Variants in CCDC85C observed in about 807,000 individuals in gnomAD.
CCDC85C encodes the protein coiled-coil domain-containing protein 85C.
Under a neutral mutation model 38.3 loss-of-function variants are expected in CCDC85C, and 18 were observed. The ratio of observed to expected loss-of-function variants is 0.47; its 90% CI spans 0.33 to 0.70. CCDC85C has a LOEUF of 0.70. Among genes scored for constraint, CCDC85C ranks in the 30% least tolerant of loss-of-function variants. The pLI is 0.03. For missense variants in CCDC85C, 566 were observed against 621.2 expected (o/e 0.91, Z 0.94); for synonymous variants, 264 against 293.8 (o/e 0.90, Z 1.04).
rs1301081301 is a variant in CCDC85C, at chr14:99,514,176, C to G, written c.*1070G>C. The stretch of plus-strand genomic sequence containing the variant: ...GATGACCTGGAGCCATAAGCATGGC[C>G]GAAAAGGAACCTCAGAGACCTGTTT... On this transcript the variant is annotated 3_prime_UTR_variant, in exon 6 of 6. Transcript: ENST00000380243. 2 of 152,382 alleles carry G rather than the reference C, an allele frequency of 1.3e-5. No homozygotes were observed. The highest frequency in any genetic ancestry group is 2.4e-5 in the African/African-American group (1 of 41,458). 9.4% of individuals were successfully genotyped at this position (152,382 alleles called of 1,614,324 possible). A position where few individuals can be genotyped will look rare whatever the true frequency, so the allele number is the denominator to read the frequency against.
intron 2 of CCDC85C, 132 bp from the exon 3 acceptor site, chr14:99,522,372 C>T: frequency 1.6e-6 from 1 of 617,006 alleles, no homozygotes; most frequent in Non-Finnish European, 2.8e-6. Flanking sequence ...ACCCTCCCCT[C>T]CACACCGCTT....
chr14:99,520,990 G>T lies in CCDC85C; in HGVS notation c.975+1143C>A, dbSNP rs367894309. On this transcript the variant is annotated intron_variant, in intron 3 of 5. Transcript: ENST00000380243. This position sits in a 1 kb window ranked among gnomAD's most constrained non-coding sequence, Gnocchi z 4.1. ...GGTGTGCTCTCCAGAGGCCTGCAGG[G>T]AGACAGCATCTGGCGGGCCTGGTAC... Among the ~76,000 whole-genome samples the T allele has an allele frequency of 5.3e-5, 8 of 152,374 alleles. No homozygotes were observed. The highest frequency in any genetic ancestry group is 1.9e-4 in the African/African-American group (8 of 41,592).
intron 1 of CCDC85C, among the ~76,000 whole-genome samples, chr14:99,599,498 T>A (rs910758155): frequency 6.6e-6 from 1 of 152,134 alleles, no homozygotes; most frequent in Non-Finnish European, 1.5e-5. Flanking sequence ...GAACCTGACT[T>A]TCTGGTGTTG....
At chr14:99,515,362 G>A in intron 5 of CCDC85C, 27 bp from the exon 6 acceptor site, 1 of 1,510,176 alleles carries the variant, frequency 6.6e-7, no homozygotes, top group Non-Finnish European at 9.0e-7. Flanking sequence ...GATGTGAGTG[G>A]TGGGACTCAC....
intron 1 of CCDC85C, among the ~76,000 whole-genome samples, chr14:99,585,557 A>G (rs766838801): frequency 3.3e-5 from 5 of 152,198 alleles, no homozygotes; most frequent in Non-Finnish European, 7.3e-5. Context: ...GTGCTGAGTG[A>G]CTGTTAGCTA....
rs916115458 is a variant in CCDC85C, at chr14:99,503,545, T to C, written c.*11701A>G. On this transcript the variant is annotated 3_prime_UTR_variant, in exon 6 of 6. Transcript: ENST00000380243. Reference sequence around the variant, plus strand: ...GTCGCTGATTCTGGTGGTACCTGGATAATCCATTTTTTTCTCATCATACTC... The same window carrying C: ...GTCGCTGATTCTGGTGGTACCTGGACAATCCATTTTTTTCTCATCATACTC... 2 of 1,384,358 alleles carry C rather than the reference T, an allele frequency of 1.4e-6. No homozygotes were observed. The highest frequency in any genetic ancestry group is 1.0e-6 in the Non-Finnish European group (1 of 1,001,588). 85.8% of individuals were successfully genotyped at this position (1,384,358 alleles called of 1,614,324 possible).
rs368012191 is a variant in CCDC85C, at chr14:99,520,951, C to A, written c.975+1182G>T. 1.3e-5 allele frequency among the ~76,000 whole-genome samples: 2 copies of A among 152,382 alleles called. No homozygotes were observed. Among genetic ancestry groups the A allele is most frequent in the South Asian group, 4.1e-4 (2 of 4,832 alleles). On this transcript the variant is annotated intron_variant, in intron 3 of 5. Transcript: ENST00000380243. The surrounding 1 kb of genome is among the most constrained non-coding windows in gnomAD (Gnocchi z 4.1). The stretch of plus-strand genomic sequence containing the variant: ...ATCCGCACTCTCAGGCCTTGAGGCT[C>A]GGCCCATGCCTGAGGTGTGCTCTCC...
At chr14:99,538,357 C>T (rs1263964535) in intron 1 of CCDC85C, among the ~76,000 whole-genome samples, 2 of 152,218 alleles carry the variant, frequency 1.3e-5, no homozygotes, top group African/African-American at 2.4e-5. Context: ...AGAAAGAAGA[C>T]GCCATTCCCA....
chr14:99,559,220 C>CA (rs113049628), intron 1 of CCDC85C, among the ~76,000 whole-genome samples: 18 of 151,970 alleles, frequency 1.2e-4, no homozygotes, highest in African/African-American at 3.1e-4. Flanking sequence ...AGGAGTCCCC[C>CA]CGAGAGCCTC....
intron 1 of CCDC85C, among the ~76,000 whole-genome samples, chr14:99,580,479 G>T (rs1371590294): frequency 7.3e-6 from 1 of 137,596 alleles, no homozygotes; most frequent in Non-Finnish European, 1.6e-5. Context: ...GGGGAGGGGG[G>T]GAAGGGGGCG....
chr14:99,586,725 G>A (rs934635506), intron 1 of CCDC85C, among the ~76,000 whole-genome samples: 1 of 152,188 alleles, frequency 6.6e-6, no homozygotes, highest in African/African-American at 2.4e-5. Flanking sequence ...CCCTGTCTGA[G>A]CCACCGGAGA....
In CCDC85C at chr14:99,517,114, G is replaced by T. The variant is rs1897238320; in HGVS notation, c.1045C>A (p.Pro349Thr). The change falls in exon 4 of 6, where the codon CCC becomes ACC. Residue 349 changes from proline to threonine, a missense_variant. Transcript: ENST00000380243. ...SAGYSPAGQK[P>T]EAVVHAMKVL... ...TTCATGGCATGCACGACAGCCTCGG[G>T]CTTCTGTCCTGCAGGGCTGTAGCCA... The T allele has an allele frequency of 6.4e-7, 1 of 1,550,402 alleles. No individual in the cohort carries two copies.
Position 99,587,567 on chromosome 14 carries a change from C to A in CCDC85C, c.793+15600G>T, listed in dbSNP as rs984564614. Among the ~76,000 whole-genome samples the A allele has an allele frequency of 2.6e-5, 4 of 152,248 alleles. No homozygotes were observed. In the South Asian group the frequency reaches 8.3e-4, roughly 32 times the overall value. On this transcript the variant is annotated intron_variant, in intron 1 of 5. Transcript: ENST00000380243. ...TCCCAGCCAGCCCTGTCCCTCACAG[C>A]CCCTCCGCAAGGTCAGTCACTCACC...
chr14:99,510,122 C>T lies in CCDC85C; in HGVS notation c.*5124G>A, dbSNP rs773411170. On this transcript the variant is annotated 3_prime_UTR_variant, in exon 6 of 6. Transcript: ENST00000380243. ...GCACTGAAAAAGCAACCATTGCTGG[C>T]GGAGGCCGGGCACTGATGCGTCTCT... 22 of 1,564,638 alleles carry T rather than the reference C, an allele frequency of 1.4e-5. No individual in the cohort carries two copies. Among genetic ancestry groups the T allele is most frequent in the Non-Finnish European group, 1.8e-5 (21 of 1,160,698 alleles).
At position 99,502,993 on chromosome 14, in the gene CCDC85C, G is replaced by A. The variant is rs1896874832; in HGVS notation, c.*12253C>T. On this transcript the variant is annotated 3_prime_UTR_variant, in exon 6 of 6. Coordinates refer to ENST00000380243, the MANE Select transcript of CCDC85C (RefSeq NM_001144995.2). The stretch of plus-strand genomic sequence containing the variant: ...AGGTTAAGCGAGCCGTGGTGAGTGG[G>A]CTAAAGCAGGCCCTGGGTAGAGCAG... 3.7e-6 allele frequency: 6 copies of A among 1,613,934 alleles called. No individual in the cohort carries two copies. Among genetic ancestry groups the A allele is most frequent in the African/African-American group, 1.3e-5 (1 of 75,042 alleles).
In CCDC85C at chr14:99,588,499, GGA is replaced by G. The variant is rs1007643175; in HGVS notation, c.793+14666_793+14667del. Among the ~76,000 whole-genome samples, 1 of 152,088 alleles carries G rather than the reference GGA, an allele frequency of 6.6e-6. No individual in the cohort carries two copies. The highest frequency in any genetic ancestry group is 2.4e-5 in the African/African-American group (1 of 41,430). On this transcript the variant is annotated intron_variant, in intron 1 of 5. Transcript: ENST00000380243. This position sits in a 1 kb window ranked among gnomAD's most constrained non-coding sequence, Gnocchi z 5.0. ...CAGAGGCCTGATGTGGGAGTATGAA[GGA>G]GAGATCAAGGTTGTAATTCAAAAGA...
intron 1 of CCDC85C, among the ~76,000 whole-genome samples, chr14:99,575,953 C>T (rs1285113814): frequency 2.6e-5 from 4 of 152,194 alleles, no homozygotes; most frequent in African/African-American, 7.2e-5. Context: ...AAATCACACA[C>T]GTGGGCTGAG....
intron 2 of CCDC85C, among the ~76,000 whole-genome samples, chr14:99,530,243 G>A (rs1400587489): frequency 6.6e-6 from 1 of 152,202 alleles, no homozygotes; most frequent in Non-Finnish European, 1.5e-5. Context: ...GCTGGAAAGA[G>A]GGGGTTTCCT....
At chr14:99,517,265 C>A in intron 3 of CCDC85C, 82 bp from the exon 4 acceptor site, 1 of 1,107,842 alleles carries the variant, frequency 9.0e-7, no homozygotes, top group Non-Finnish European at 1.3e-6. Context: ...GGCCCCCATT[C>A]TGAGGGGCCA....
Sources: allele counts gnomAD v4.1 joint callset (sites outside exome capture counted in the v4.1 genomes callset), GRCh38; gene constraint gnomAD v4.1.1; non-coding constraint Gnocchi (gnomAD v3.1); transcripts MANE v1.5; gene names NCBI Gene and HGNC (gene_info 2026-07-23, HGNC 2026-07-21).